Variants in BAZ2B observed in about 807,000 individuals in gnomAD.
BAZ2B encodes bromodomain adjacent to zinc finger domain 2B.
A neutral mutation model predicts 246.0 loss-of-function variants in BAZ2B; 91 were observed. That is an observed-to-expected ratio of 0.37 (90% confidence interval 0.31 to 0.44). BAZ2B has a LOEUF of 0.44. BAZ2B is among the 20% of genes least tolerant of loss of function. The pLI, the probability that BAZ2B is intolerant of heterozygous loss-of-function variation, is 1.00. For synonymous variants in BAZ2B, 855 were observed against 860.0 expected, an observed-to-expected ratio of 0.99 and a Z score of 0.10; for missense variants, 2,332 against 2,533.7, an observed-to-expected ratio of 0.92 and a Z score of 1.71.
chr2:159,318,291 G>C (rs138505986), downstream of BAZ2B, among the ~76,000 whole-genome samples: 37 of 152,234 alleles, frequency 2.4e-4, no homozygotes, highest in African/African-American at 8.7e-4. Flanking sequence ...TTAAGCACCA[G>C]CCCCTTTAAG....
intron 19 of BAZ2B, 175 bp downstream of exon 19, chr2:159,397,170 C>A: frequency 7.1e-7 from 1 of 1,409,610 alleles, no homozygotes; most frequent in Non-Finnish European, 9.6e-7. Context: ...TTTTTAACCC[C>A]CCAAAAAGAC....
At chr2:159,658,390 G>A in the BAZ2B span, among the ~76,000 whole-genome samples, 2 of 152,178 alleles carry the variant, frequency 1.3e-5, no homozygotes, top group Non-Finnish European at 2.9e-5. Context: ...CTGGAGTGCA[G>A]TGGCACAGTC....
chr2:159,570,808 G>T (rs1683811837), intron 1 of BAZ2B, among the ~76,000 whole-genome samples: 1 of 152,092 alleles, frequency 6.6e-6, no homozygotes, highest in Non-Finnish European at 1.5e-5. Flanking sequence ...ATAAGATGCT[G>T]TGCATATCTT....
the BAZ2B span, among the ~76,000 whole-genome samples, chr2:159,675,879 A>G: frequency 6.6e-6 from 1 of 151,882 alleles, no homozygotes; most frequent in Non-Finnish European, 1.5e-5. Context: ...GACTGGGAAT[A>G]CAGGCGCACC....
intron 36 of BAZ2B, among the ~76,000 whole-genome samples, chr2:159,322,967 T>G (rs2148747773): frequency 6.6e-6 from 1 of 151,740 alleles, no homozygotes; most frequent in East Asian, 1.9e-4. Flanking sequence ...CTGGGACTCA[T>G]TTTTCAAAGG....
At chr2:159,681,643 A>C in the BAZ2B span, among the ~76,000 whole-genome samples, 1 of 152,204 alleles carries the variant, frequency 6.6e-6, no homozygotes, top group Non-Finnish European at 1.5e-5. Flanking sequence ...AATTAAGATT[A>C]TTTCAGGCTG....
At chr2:159,573,654 TAGA>T (rs759608001) in intron 1 of BAZ2B, among the ~76,000 whole-genome samples, 25 of 152,114 alleles carry the variant, frequency 1.6e-4, no homozygotes, top group East Asian at 7.7e-4. Flanking sequence ...AAAGGAAAAA[TAGA>T]TAACGTGGAC....
rs553639189 is a variant in BAZ2B at position 159,599,780 on chromosome 2, C to CA, written c.-46+16461dup. 4.3e-4 allele frequency among the ~76,000 whole-genome samples: 65 copies of CA among 151,032 alleles called. 2 individuals are homozygous for CA. Among genetic ancestry groups the CA allele is most frequent in the Admixed American group, 1.8e-3 (27 of 15,202 alleles). On this transcript the variant is annotated intron_variant, in intron 1 of 36. Transcript: ENST00000392783. ...TGAAACCCCATCTCTACTAAAAATA[C>CA]AAAAAATTAGCCGGGCGTGGTAGCG...
chr2:159,471,253 C>T (rs1361444320), intron 3 of BAZ2B, among the ~76,000 whole-genome samples: 3 of 152,054 alleles, frequency 2.0e-5, no homozygotes, highest in Non-Finnish European at 4.4e-5. Flanking sequence ...AGAAGTTGGG[C>T]TGTGAGCATT....
At chr2:159,325,131 AT>A (rs1220767035) in intron 35 of BAZ2B, among the ~76,000 whole-genome samples, 177 bp from the exon 36 acceptor site, 1 of 37,572 alleles carries the variant, frequency 2.7e-5, no homozygotes, top group Non-Finnish European at 4.6e-5. Context: ...ATATATATAT[AT>A]ATATATATAT....
In BAZ2B at chr2:159,432,883, T is replaced by G; in HGVS notation, c.1774A>C (p.Arg592=). The G allele has an allele frequency of 6.2e-7, 1 of 1,614,178 alleles. No individual in the cohort carries two copies. The highest frequency in any genetic ancestry group is 8.5e-7 in the Non-Finnish European group (1 of 1,180,028). The part of the protein sequence containing the change: ...HPAKSLVEQF[R]GTDSDIPSSK... ...CTGGGAATGTCTGAATCTGTTCCTC[T>G]GAATTGTTCCACTAAAGATTTTGCA... Residue 592 remains arginine (R), a synonymous_variant, in exon 9 of 37, where the codon AGA becomes CGA. Coordinates refer to ENST00000392783, the MANE Select transcript of BAZ2B (RefSeq NM_013450.4).
intron 1 of BAZ2B, among the ~76,000 whole-genome samples, chr2:159,612,790 G>C (rs1038813052): frequency 2.0e-5 from 3 of 152,046 alleles, no homozygotes; most frequent in Non-Finnish European, 2.9e-5. Context: ...GCATCAGAAG[G>C]AACAGTTATG....
chr2:159,493,807 T>C (rs1049927114), intron 2 of BAZ2B, among the ~76,000 whole-genome samples: 6 of 152,204 alleles, frequency 3.9e-5, no homozygotes, highest in Admixed American at 2.0e-4. Flanking sequence ...TTTGCAATAT[T>C]GTAGGTCCAG....
intron 2 of BAZ2B, among the ~76,000 whole-genome samples, chr2:159,494,222 C>T (rs908829939): frequency 6.6e-6 from 1 of 152,046 alleles, no homozygotes; most frequent in African/African-American, 2.4e-5. Flanking sequence ...TTTAAAACTT[C>T]GGGTCATAAC....
At chr2:159,449,642 A>C (rs1012489103) in intron 4 of BAZ2B, among the ~76,000 whole-genome samples, 2 of 152,240 alleles carry the variant, frequency 1.3e-5, no homozygotes, top group Non-Finnish European at 2.9e-5. Flanking sequence ...ATTCTTCTGC[A>C]CTGCAGGAAG....
chr2:159,340,353 G>A (rs1237175815), intron 31 of BAZ2B, among the ~76,000 whole-genome samples: 1 of 151,764 alleles, frequency 6.6e-6, no homozygotes, highest in African/African-American at 2.4e-5. Flanking sequence ...GGAAAGGTGA[G>A]GAAAAAAAAT....
chr2:159,531,658 T>C lies in BAZ2B; in HGVS notation c.-3+24165A>G, dbSNP rs2085394316. Among the ~76,000 whole-genome samples the C allele has an allele frequency of 2.0e-5, 3 of 152,142 alleles. No homozygotes were observed. In the South Asian group the frequency reaches 6.2e-4, roughly 31 times the overall value. On this transcript the variant is annotated intron_variant, in intron 2 of 36. Transcript: ENST00000392783. ...GCTCCAAAGCTGCCATTTTTCTTCC[T>C]TGACAAAGACTCCATCTGCCACCGA... is the stretch of plus-strand genomic sequence containing the variant.
At chr2:159,397,595 T>C (rs563132562) in intron 18 of BAZ2B, among the ~76,000 whole-genome samples, 3 of 152,320 alleles carry the variant, frequency 2.0e-5, no homozygotes, top group Admixed American at 6.5e-5. Flanking sequence ...AGAGATCATA[T>C]AATATGGTAA....
chr2:159,453,942 C>A, intron 3 of BAZ2B, 141 bp from the exon 4 acceptor site: 1 of 627,624 alleles, frequency 1.6e-6, no homozygotes, highest in Non-Finnish European at 2.3e-6. Context: ...ATTTTCTACT[C>A]TTCAAACCCT....
Sources: allele counts gnomAD v4.1 joint callset (sites outside exome capture counted in the v4.1 genomes callset), GRCh38; gene constraint gnomAD v4.1.1; transcripts MANE v1.5; gene names NCBI Gene and HGNC (gene_info 2026-07-23, HGNC 2026-07-21).